Variants in ZCCHC4 observed in about 807,000 individuals in gnomAD.
ZCCHC4 encodes zinc finger CCHC-type containing 4.
In ZCCHC4, 54 loss-of-function variants were observed where a neutral mutation model predicts 67.7. That is an observed-to-expected ratio of 0.80 (90% CI 0.64 to 1.00). The LOEUF is 1.00. ZCCHC4 is among the 50% of genes least tolerant of loss of function. ZCCHC4 has a pLI of 0.00. For synonymous variants in ZCCHC4, 198 were observed against 213.5 expected, an observed-to-expected ratio of 0.93 and a Z score of 0.63; for missense variants, 609 against 617.0, an observed-to-expected ratio of 0.99 and a Z score of 0.14.
intron 12 of ZCCHC4, among the ~76,000 whole-genome samples, chr4:25,368,361 G>C (rs73254156): frequency 1.3e-5 from 2 of 152,152 alleles, no homozygotes; most frequent in African/African-American, 4.8e-5. Context: ...GCTGCAGGTC[G>C]CCTGTAACTT....
chr4:25,333,600 A>T, intron 4 of ZCCHC4, 142 bp downstream of exon 4: 2 of 930,504 alleles, frequency 2.1e-6, no homozygotes, highest in Non-Finnish European at 1.6e-6. Context: ...TCCCTCTCTT[A>T]AGGAGTTTGC....
intron 12 of ZCCHC4, among the ~76,000 whole-genome samples, chr4:25,366,684 T>A (rs1451899865): frequency 1.3e-5 from 2 of 152,224 alleles, no homozygotes; most frequent in African/African-American, 2.4e-5. Context: ...CATAATCATA[T>A]TAGTCTGGGA....
intron 3 of ZCCHC4, among the ~76,000 whole-genome samples, chr4:25,326,868 G>C (rs543691643): frequency 1.3e-5 from 2 of 152,020 alleles, no homozygotes; most frequent in Admixed American, 1.3e-4. Context: ...AATTTTTCTT[G>C]GTGATGTTTT....
At chr4:25,364,565 C>T (rs1245212151) in intron 11 of ZCCHC4, 60 bp downstream of exon 11, 2 of 1,363,898 alleles carry the variant, frequency 1.5e-6, no homozygotes, top group African/African-American at 3.0e-5. Context: ...TTTTCTCCAT[C>T]TAAATAGATT....
intron 3 of ZCCHC4, among the ~76,000 whole-genome samples, chr4:25,327,418 T>TTCCCTCC (rs1553896294): frequency 7.8e-6 from 1 of 128,806 alleles, no homozygotes; most frequent in African/African-American, 3.3e-5. Context: ...CCTTCCCTCC[T>TTCCCTCC]TCCCTCCTTC....
chr4:25,348,557 C>T (rs1374900028), intron 6 of ZCCHC4, among the ~76,000 whole-genome samples: 1 of 152,112 alleles, frequency 6.6e-6, no homozygotes, highest in African/African-American at 2.4e-5. Context: ...TTCCCTAAAC[C>T]ATAGAGTCTA....
chr4:25,324,322 A>C (rs1282078583), intron 3 of ZCCHC4, among the ~76,000 whole-genome samples: 1 of 151,920 alleles, frequency 6.6e-6, no homozygotes, highest in Non-Finnish European at 1.5e-5. Flanking sequence ...GCCAGTATGT[A>C]CTGTTTTTTA....
Position 25,333,413 on chromosome 4 carries a change from T to A in ZCCHC4, c.560T>A (p.Leu187His), listed in dbSNP as rs756913715. ...DRSCQFLVDL[L>H]SALGFRRVLC... is the part of the protein sequence containing the mutation. ...AGCTGTCAGTTCTTGGTAGACTTACTTTCTGCCCTCGGATTCAGAAGAGTA... is the reference window on the plus strand; with the variant it reads ...AGCTGTCAGTTCTTGGTAGACTTACATTCTGCCCTCGGATTCAGAAGAGTA... Residue 187 changes from leucine (L) to histidine (H), a missense_variant, in exon 4 of 13, where the codon CTT becomes CAT. Physicochemically the swap from Leu to His is moderately conservative, Grantham distance 99. Transcript: ENST00000302874. 1 of 1,614,204 alleles carries A rather than the reference T, an allele frequency of 6.2e-7. No homozygotes were observed. Among genetic ancestry groups the A allele is most frequent in the African/African-American group, 1.3e-5 (1 of 75,062 alleles).
intron 8 of ZCCHC4, among the ~76,000 whole-genome samples, chr4:25,360,318 T>A (rs1720680750): frequency 6.6e-6 from 1 of 152,248 alleles, no homozygotes; most frequent in Non-Finnish European, 1.5e-5. Context: ...GCATATGCCC[T>A]ATAGGTAGTT....
intron 2 of ZCCHC4, 96 bp from the exon 3 acceptor site, chr4:25,315,222 G>C: frequency 9.0e-7 from 1 of 1,107,610 alleles, no homozygotes; most frequent in Non-Finnish European, 1.3e-6. Context: ...TGAGTTGGTT[G>C]AATTTCTGAC....
intron 8 of ZCCHC4, 44 bp downstream of exon 8, chr4:25,351,733 A>T (rs1720308113): frequency 2.0e-6 from 3 of 1,469,134 alleles, no homozygotes; most frequent in Non-Finnish European, 2.8e-6. Flanking sequence ...GGGAATGGAG[A>T]TTCTACTTGA....
In ZCCHC4 at chr4:25,365,019, C is replaced by T. The variant is rs370287556; in HGVS notation, c.1262-3C>T. 136 of 1,608,562 alleles carry T rather than the reference C, an allele frequency of 8.5e-5. No individual in the cohort carries two copies. The highest frequency in any genetic ancestry group is 1.1e-4 in the Non-Finnish European group (132 of 1,178,710). The stretch of plus-strand genomic sequence containing the variant: ...CCTTTAAAACTTAATTTTTATTTTA[C>T]AGCCTGGATCCACTGTAGCATCTGC... On this transcript the variant is annotated splice_region_variant and splice_polypyrimidine_tract_variant and intron_variant, in intron 11 of 12. Transcript: ENST00000302874.
At chr4:25,347,669 C>G (rs1720087625) in intron 6 of ZCCHC4, among the ~76,000 whole-genome samples, 1 of 152,148 alleles carries the variant, frequency 6.6e-6, no homozygotes, top group South Asian at 2.1e-4. Context: ...TGAGGCTGTC[C>G]AGGGTGCTTA....
chr4:25,365,429 G>T (rs1034178561), intron 12 of ZCCHC4: 9 of 1,211,418 alleles, frequency 7.4e-6, no homozygotes, highest in Admixed American at 3.9e-5. Flanking sequence ...CCTCTCCTTG[G>T]CTTTACGTCT....
At chr4:25,365,597 A>AT (rs1163207938) in intron 12 of ZCCHC4, 1 of 986,702 alleles carries the variant, frequency 1.0e-6, no homozygotes, top group African/African-American at 1.7e-5. Flanking sequence ...CAGTAGGAAA[A>AT]TTGTGAGAAA....
At chr4:25,366,005 C>A (rs12642512) in intron 12 of ZCCHC4, 63 of 974,594 alleles carry the variant, frequency 6.5e-5, no homozygotes, top group South Asian at 3.8e-4. Flanking sequence ...AATTATATGA[C>A]ATTATATGAA....
intron 8 of ZCCHC4, among the ~76,000 whole-genome samples, chr4:25,352,857 C>T (rs979370826): frequency 2.0e-5 from 3 of 152,206 alleles, no homozygotes; most frequent in Non-Finnish European, 4.4e-5. Flanking sequence ...ATCCTGAAGG[C>T]ATATACCATT....
intron 5 of ZCCHC4, among the ~76,000 whole-genome samples, chr4:25,338,552 A>T (rs1422805237): frequency 3.3e-5 from 5 of 152,118 alleles, no homozygotes; most frequent in Admixed American, 1.3e-4. Flanking sequence ...CTCCCCATTT[A>T]CCATGCCCCC....
rs772870427 is a variant in ZCCHC4, at chr4:25,365,111, C to T, written c.1351C>T (p.Leu451=). 1.2e-6 allele frequency: 2 copies of T among 1,614,190 alleles called. No homozygotes were observed. ...ACATGGCTGCTTTATTTGTGGTGAA[C>T]TGGATCATAAACGCAGTACTTGTCC... ...PKHGCFICGE[L]DHKRSTCPNI... The change falls in exon 12 of 13, where the codon CTG becomes TTG. Residue 451 remains leucine (L), a synonymous_variant. Coordinates refer to ENST00000302874, the MANE Select transcript of ZCCHC4 (RefSeq NM_024936.3).
Sources: allele counts gnomAD v4.1 joint callset (sites outside exome capture counted in the v4.1 genomes callset), GRCh38; gene constraint gnomAD v4.1.1; transcripts MANE v1.5; gene names NCBI Gene and HGNC (gene_info 2026-07-23, HGNC 2026-07-21).